The following FRK variants were observed in gnomAD, a reference collection of about 807,000 sequenced individuals.
FRK encodes the protein tyrosine-protein kinase FRK.
A neutral mutation model predicts 56.4 loss-of-function variants in FRK; 51 were observed. That is an observed-to-expected ratio of 0.90 (90% confidence interval 0.72 to 1.14). The LOEUF is 1.14. Ranked by LOEUF, FRK falls within the 50% of genes most tolerant of loss-of-function variation. FRK has a pLI of 0.00. For synonymous variants in FRK, 245 were observed against 217.9 expected, an observed-to-expected ratio of 1.12 and a Z score of -1.10; for missense variants, 570 against 601.4, an observed-to-expected ratio of 0.95 and a Z score of 0.55.
chr6:115,987,410 C>A (rs1774436010), intron 2 of FRK, among the ~76,000 whole-genome samples: 1 of 152,082 alleles, frequency 6.6e-6, no homozygotes, highest in Admixed American at 6.6e-5. Flanking sequence ...CCATTTGGAG[C>A]TCTGATGACC....
intron 2 of FRK, among the ~76,000 whole-genome samples, chr6:115,994,287 G>A (rs1237916915): frequency 2.0e-5 from 3 of 149,484 alleles, no homozygotes; most frequent in Admixed American, 6.7e-5. Context: ...AGATAAGTTG[G>A]GAAATTTTGT....
At chr6:116,016,879 T>C (rs373706525) in intron 1 of FRK, among the ~76,000 whole-genome samples, 3 of 152,264 alleles carry the variant, frequency 2.0e-5, no homozygotes, top group Admixed American at 6.5e-5. Flanking sequence ...CACTGGACTT[T>C]GAAATAGTAG....
chr6:115,958,964 A>G (rs1773213898), intron 4 of FRK, among the ~76,000 whole-genome samples: 1 of 152,174 alleles, frequency 6.6e-6, no homozygotes, highest in South Asian at 2.1e-4. Flanking sequence ...GACTATGCAC[A>G]AGAACTGAAA....
chr6:115,952,674 A>G lies in FRK; in HGVS notation c.958+3778T>C, dbSNP rs566833762. 2.6e-5 allele frequency among the ~76,000 whole-genome samples: 4 copies of G among 151,438 alleles called. No individual in the cohort carries two copies. The East Asian group carries it at 7.7e-4, about 29-fold the overall frequency. ...ATAGCAAAGACTTGGAACCAACCCA[A>G]ATGTCCAACAATGATAGACTGGATT... is the stretch of plus-strand genomic sequence containing the variant. On this transcript the variant is annotated intron_variant, in intron 5 of 7. Transcript: ENST00000606080.
At chr6:116,052,776 G>A (rs552191718) in intron 1 of FRK, among the ~76,000 whole-genome samples, 2 of 152,098 alleles carry the variant, frequency 1.3e-5, no homozygotes, top group African/African-American at 4.8e-5. Context: ...GCAGACGGTC[G>A]AAGACTGAAA....
chr6:116,064,158 G>T (rs1777712302), upstream of FRK, among the ~76,000 whole-genome samples: 1 of 152,202 alleles, frequency 6.6e-6, no homozygotes, highest in South Asian at 2.1e-4. Context: ...CAAATGACCA[G>T]CAGTTCCCTG....
the FRK span, among the ~76,000 whole-genome samples, chr6:116,070,797 T>C: frequency 6.6e-6 from 1 of 152,288 alleles, no homozygotes; most frequent in South Asian, 2.1e-4. Flanking sequence ...TATGCCAAAG[T>C]TTCCAGATTT....
chr6:116,072,353 T>G, the FRK span, among the ~76,000 whole-genome samples: 4 of 152,128 alleles, frequency 2.6e-5, no homozygotes, highest in African/African-American at 9.7e-5. Flanking sequence ...AATAAAAATA[T>G]TAACCAAAAT....
intron 2 of FRK, among the ~76,000 whole-genome samples, chr6:115,980,930 T>C (rs1774175918): frequency 1.3e-5 from 2 of 152,166 alleles, no homozygotes; most frequent in Admixed American, 6.6e-5. Context: ...GCATGATCTA[T>C]ATCTCTGTTC....
chr6:116,022,142 A>G (rs1249357220), intron 1 of FRK, among the ~76,000 whole-genome samples: 1 of 152,050 alleles, frequency 6.6e-6, no homozygotes, highest in Non-Finnish European at 1.5e-5. Context: ...AATATTAATA[A>G]CCCTATATTT....
At chr6:116,096,154 T>G in the FRK span, among the ~76,000 whole-genome samples, 4 of 152,212 alleles carry the variant, frequency 2.6e-5, no homozygotes. Flanking sequence ...CGAGGACCCG[T>G]GGACAAACCC....
intron 2 of FRK, among the ~76,000 whole-genome samples, chr6:115,997,394 A>G (rs754932922): frequency 1.3e-5 from 2 of 152,080 alleles, no homozygotes; most frequent in Admixed American, 6.6e-5. Flanking sequence ...AAATTTTATC[A>G]TAGAAAGTAC....
rs754712237 is a variant in FRK, at chr6:115,934,209, T to C, written c.*8205A>G. The C allele has an allele frequency of 2.6e-5, 4 of 152,146 alleles. No homozygotes were observed. Among genetic ancestry groups the C allele is most frequent in the Non-Finnish European group, 5.9e-5 (4 of 68,026 alleles). The allele number at this position is 152,146 out of a possible 1,614,324, so 9.4% of individuals were successfully genotyped here. A position where few individuals can be genotyped will look rare whatever the true frequency, so the allele number is the denominator to read the frequency against. ...CCTTAATGAACACCTCTCCAGCATC[T>C]CATATTCTCTGCTTTTATTCAGATA... On this transcript the variant is annotated 3_prime_UTR_variant, in exon 8 of 8. Coordinates refer to ENST00000606080, the MANE Select transcript of FRK (RefSeq NM_002031.3).
At chr6:116,026,662 T>C (rs1164967844) in intron 1 of FRK, among the ~76,000 whole-genome samples, 1 of 151,674 alleles carries the variant, frequency 6.6e-6, no homozygotes, top group Admixed American at 6.6e-5. Context: ...GGGATGTGGA[T>C]AAGATGTCTT....
chr6:116,060,497 C>G lies in FRK; in HGVS notation c.-186G>C, dbSNP rs968102219. Reference sequence around the variant, plus strand: ...TTGCAGCAAGTCCTACCTGGAGAGACTTACCGGCTTGCTTTCTGTGGCTGG... The same window carrying G: ...TTGCAGCAAGTCCTACCTGGAGAGAGTTACCGGCTTGCTTTCTGTGGCTGG... On this transcript the variant is annotated 5_prime_UTR_variant, in exon 1 of 8. Transcript: ENST00000606080. 8 of 569,756 alleles carry G rather than the reference C, an allele frequency of 1.4e-5. No individual in the cohort carries two copies. The African/African-American group carries it at 1.5e-4, about 11-fold the overall frequency. 35.3% of individuals were successfully genotyped at this position (569,756 alleles called of 1,614,324 possible). A position where few individuals can be genotyped will look rare whatever the true frequency, so the allele number is the denominator to read the frequency against.
chr6:116,067,139 G>A, the FRK span, among the ~76,000 whole-genome samples: 1 of 152,106 alleles, frequency 6.6e-6, no homozygotes, highest in Non-Finnish European at 1.5e-5. Context: ...AAGATACACA[G>A]AGAGAAGCCC....
chr6:116,057,630 C>G (rs144955323), intron 1 of FRK, among the ~76,000 whole-genome samples: 172 of 152,156 alleles, frequency 1.1e-3, no homozygotes, highest in African/African-American at 4.1e-3. Flanking sequence ...GGTTTTTATT[C>G]CAGTGGATGT....
intron 1 of FRK, among the ~76,000 whole-genome samples, chr6:116,029,303 GAATTAAAC>G (rs1776213894): frequency 6.6e-6 from 1 of 151,994 alleles, no homozygotes; most frequent in Non-Finnish European, 1.5e-5. Flanking sequence ...CTCCCCACTA[GAATTAAAC>G]AACTTGAGAA....
At chr6:115,966,518 C>CCT (rs1483820938) in intron 4 of FRK, among the ~76,000 whole-genome samples, 1 of 152,156 alleles carries the variant, frequency 6.6e-6, no homozygotes, top group Non-Finnish European at 1.5e-5. Flanking sequence ...GTTTGGGAAC[C>CCT]ATGGTGTTAC....
Sources: gnomAD v4.1 joint callset for allele counts (sites outside exome capture counted in the v4.1 genomes callset) on GRCh38, gnomAD v4.1.1 for gene constraint, MANE v1.5 for transcripts, NCBI Gene and HGNC (gene_info 2026-07-23, HGNC 2026-07-21) for gene names.